TMEM87A: variants seen among roughly 807,000 people sequenced by gnomAD.
The protein encoded by TMEM87A is Golgi-pH regulating cation channel.
A neutral mutation model predicts 90.0 loss-of-function variants in TMEM87A; 50 were observed. The ratio of observed to expected loss-of-function variants is 0.56; its 90% CI spans 0.44 to 0.70. The LOEUF (loss-of-function observed/expected upper bound fraction) is 0.70. Among genes scored for constraint, TMEM87A ranks in the 30% least tolerant of loss-of-function variants. The probability of loss-of-function intolerance (pLI) is 0.00; values close to 1 mark genes in which losing one functional copy is unlikely to be tolerated. For synonymous variants in TMEM87A, 226 were observed against 226.7 expected, an observed-to-expected ratio of 1.00 and a Z score of 0.03; for missense variants, 577 against 660.5, an observed-to-expected ratio of 0.87 and a Z score of 1.39.
chr15:42,220,268 T>C, intron 15 of TMEM87A, 133 bp from the exon 16 acceptor site: 1 of 651,832 alleles, frequency 1.5e-6, no homozygotes, highest in South Asian at 2.1e-5. Context: ...TAATAATATT[T>C]CTTCCCCTTC....
chr15:42,222,581 A>AC (rs1047670758), intron 15 of TMEM87A, among the ~76,000 whole-genome samples: 1 of 151,038 alleles, frequency 6.6e-6, no homozygotes, highest in African/African-American at 2.4e-5. Flanking sequence ...TTTTTGAGAC[A>AC]GAGTTTCTCT....
chr15:42,232,829 AAC>A (rs1229652097), intron 11 of TMEM87A: 1 of 154,542 alleles, frequency 6.5e-6, no homozygotes, highest in East Asian at 1.9e-4. Flanking sequence ...GTTAAGAAAC[AAC>A]AGTTACTTTA....
intron 6 of TMEM87A, among the ~76,000 whole-genome samples, chr15:42,260,652 A>G (rs560300493): frequency 3.9e-5 from 6 of 152,330 alleles, no homozygotes; most frequent in African/African-American, 1.4e-4. Flanking sequence ...TTTATCACAG[A>G]TAATTTTAGA....
chr15:42,242,728 T>C (rs1300921308), intron 7 of TMEM87A, among the ~76,000 whole-genome samples: 1 of 152,204 alleles, frequency 6.6e-6, no homozygotes, highest in Admixed American at 6.5e-5. Flanking sequence ...ATCATTTAAA[T>C]CAGTACAATT....
intron 12 of TMEM87A, among the ~76,000 whole-genome samples, chr15:42,229,224 A>C (rs1293427460): frequency 1.3e-5 from 2 of 151,866 alleles, no homozygotes; most frequent in African/African-American, 4.8e-5. Flanking sequence ...GGCTGGTCTT[A>C]AACTCCTGAC....
At position 42,266,543 on chromosome 15, in the gene TMEM87A, A is replaced by G. The variant is rs575687306; in HGVS notation, c.291+1404T>C. Among the ~76,000 whole-genome samples the G allele has an allele frequency of 1.3e-3, 204 of 152,242 alleles. 1 individual carries two copies. Among genetic ancestry groups the G allele is most frequent in the African/African-American group, 4.8e-3 (200 of 41,534 alleles). On this transcript the variant is annotated intron_variant, in intron 3 of 19. Transcript: ENST00000389834. ...AAAAAAAAAAACTATTTTCATAATAATAATAGTATGCTATTTGACTTGTAA... is the reference window on the plus strand; with the variant it reads ...AAAAAAAAAAACTATTTTCATAATAGTAATAGTATGCTATTTGACTTGTAA...
rs567336793 is a variant in TMEM87A, at chr15:42,263,636, C to T, written c.405+454G>A. 1.3e-5 allele frequency among the ~76,000 whole-genome samples: 2 copies of T among 152,130 alleles called. 1 individual carries two copies. The highest frequency in any genetic ancestry group is 4.2e-4 in the South Asian group (2 of 4,808). On this transcript the variant is annotated intron_variant, in intron 4 of 19. Transcript: ENST00000389834. ...AATGGTGTGAATCTGTAGCCCTAGC[C>T]ACTTGGGAGGCTGAGGTGAAAGAAT... is the stretch of plus-strand genomic sequence containing the variant.
chr15:42,255,016 G>A (rs192017535), intron 6 of TMEM87A, among the ~76,000 whole-genome samples: 30 of 148,296 alleles, frequency 2.0e-4, no homozygotes, highest in African/African-American at 7.0e-4. Context: ...TTAGACTGGA[G>A]TACAGTGGCA....
intron 1 of TMEM87A, 49 bp from the exon 2 acceptor site, chr15:42,272,172 A>T (rs4244588): frequency 5.1e-6 from 7 of 1,361,680 alleles, no homozygotes; most frequent in Non-Finnish European, 6.2e-6. Context: ...TTCAATTACC[A>T]AAGCATCATA....
At chr15:42,263,323 T>C (rs1355315865) in intron 4 of TMEM87A, among the ~76,000 whole-genome samples, 2 of 152,248 alleles carry the variant, frequency 1.3e-5, no homozygotes, top group Admixed American at 6.5e-5. Context: ...TGTATGATTC[T>C]ATTTATATGA....
chr15:42,272,186 C>G, intron 1 of TMEM87A, 63 bp from the exon 2 acceptor site: 1 of 1,160,178 alleles, frequency 8.6e-7, no homozygotes, highest in Admixed American at 2.2e-5. Context: ...CATCATATAA[C>G]TATCTAAGAC....
intron 15 of TMEM87A, among the ~76,000 whole-genome samples, chr15:42,221,251 A>T (rs2050475641): frequency 6.7e-6 from 1 of 148,616 alleles, no homozygotes; most frequent in African/African-American, 2.5e-5. Flanking sequence ...TCCGTCAAGA[A>T]AAGAAAGGAG....
chr15:42,236,174 A>G (rs921621022), intron 10 of TMEM87A, 146 bp downstream of exon 10: 7 of 704,264 alleles, frequency 9.9e-6, no homozygotes, highest in Non-Finnish European at 1.7e-5. Context: ...AACATTTACA[A>G]TGCTACAAAA....
At chr15:42,226,224 TC>T (rs1452037443) in intron 15 of TMEM87A, among the ~76,000 whole-genome samples, 1 of 151,830 alleles carries the variant, frequency 6.6e-6, no homozygotes, top group Non-Finnish European at 1.5e-5. Context: ...GGTCTCGAAC[TC>T]CTGACCTCAG....
intron 1 of TMEM87A, 52 bp from the exon 2 acceptor site, chr15:42,272,175 G>T: frequency 7.7e-7 from 1 of 1,296,478 alleles, no homozygotes; most frequent in Non-Finnish European, 1.1e-6. Flanking sequence ...AATTACCAAA[G>T]CATCATATAA....
chr15:42,259,288 A>G (rs1163654592), intron 6 of TMEM87A, among the ~76,000 whole-genome samples: 2 of 152,044 alleles, frequency 1.3e-5, no homozygotes, highest in African/African-American at 4.8e-5. Context: ...ACACCTGCCT[A>G]ATTTTTGTAT....
At chr15:42,212,454 T>C (rs2050307078) in intron 19 of TMEM87A, among the ~76,000 whole-genome samples, 1 of 152,204 alleles carries the variant, frequency 6.6e-6, no homozygotes, top group South Asian at 2.1e-4. Context: ...TTCTTAAAAA[T>C]ATCCTTTCCG....
chr15:42,272,586 T>C (rs778865776), intron 1 of TMEM87A: 2 of 244,860 alleles, frequency 8.2e-6, no homozygotes, highest in African/African-American at 2.3e-5. Context: ...CACAGGACTA[T>C]ACCTGTTACT....
intron 14 of TMEM87A, among the ~76,000 whole-genome samples, chr15:42,227,237 A>T (rs543629050): frequency 6.6e-6 from 1 of 152,200 alleles, no homozygotes; most frequent in Non-Finnish European, 1.5e-5. Context: ...AGAAAGTTAC[A>T]TTAGGTTGGT....
Sources: allele counts gnomAD v4.1 joint callset (sites outside exome capture counted in the v4.1 genomes callset), GRCh38; gene constraint gnomAD v4.1.1; transcripts MANE v1.5; gene names NCBI Gene and HGNC (gene_info 2026-07-23, HGNC 2026-07-21).